SGCZ: variants seen among roughly 807,000 people sequenced by gnomAD.
SGCZ encodes the protein sarcoglycan zeta.
Under a neutral mutation model 41.3 loss-of-function variants are expected in SGCZ, and 40 were observed. The observed-to-expected ratio is 0.97, with a 90% CI of 0.75 to 1.26. The LOEUF (loss-of-function observed/expected upper bound fraction) is 1.26. Among genes scored for constraint, SGCZ ranks in the 50% most tolerant of loss-of-function variants. The pLI, the probability that SGCZ is intolerant of heterozygous loss-of-function variation, is 0.00. For synonymous variants in SGCZ, 206 were observed against 137.5 expected (o/e 1.50, Z -3.49); for missense variants, 552 against 369.8 (o/e 1.49, Z -4.04).
At position 14,552,647 on chromosome 8, in the gene SGCZ, C is replaced by T. The variant is rs368439790; in HGVS notation, c.234+2085G>A. The stretch of plus-strand genomic sequence containing the variant: ...AGCTGAGGTTCAAATTAAAGAGCTC[C>T]ATGGGTGACAGGAACCCTGAGGCCC... On this transcript the variant is annotated intron_variant, in intron 2 of 7. Transcript: ENST00000382080. Among the ~76,000 whole-genome samples, 119 of 152,090 alleles carry T rather than the reference C, an allele frequency of 7.8e-4. 2 individuals are homozygous for T. In the South Asian group the frequency reaches 0.025, roughly 32 times the overall value.
intron 1 of SGCZ, among the ~76,000 whole-genome samples, chr8:15,008,826 A>T (rs1326607665): frequency 3.3e-5 from 4 of 119,484 alleles, no homozygotes; most frequent in South Asian, 6.4e-4. Context: ...GGAGGGAGGA[A>T]GGGAGAGAGG....
chr8:15,027,533 C>T (rs1056815226), intron 1 of SGCZ, among the ~76,000 whole-genome samples: 3 of 152,144 alleles, frequency 2.0e-5, no homozygotes, highest in Admixed American at 6.5e-5. Context: ...AGAATATTTA[C>T]AGATAAGTGG....
intron 1 of SGCZ, among the ~76,000 whole-genome samples, chr8:14,642,729 T>C (rs541433236): frequency 1.2e-4 from 18 of 151,620 alleles, no homozygotes; most frequent in Non-Finnish European, 2.2e-4. Flanking sequence ...AATTTGTTGG[T>C]CAGATTTATA....
At chr8:14,306,110 GTTTTT>G (rs886407130) in intron 3 of SGCZ, among the ~76,000 whole-genome samples, 1 of 152,114 alleles carries the variant, frequency 6.6e-6, no homozygotes, top group Admixed American at 6.6e-5. Flanking sequence ...TTGGGCAAAG[GTTTTT>G]TGTTTTGTTT....
intron 1 of SGCZ, among the ~76,000 whole-genome samples, chr8:15,185,222 G>A (rs893250856): frequency 6.6e-6 from 1 of 152,222 alleles, no homozygotes; most frequent in Admixed American, 6.5e-5. Flanking sequence ...AGGGCTTGAA[G>A]TCTGTCTTCT....
At chr8:14,541,889 G>A (rs1375043077) in intron 2 of SGCZ, among the ~76,000 whole-genome samples, 6 of 152,142 alleles carry the variant, frequency 3.9e-5, no homozygotes, top group African/African-American at 1.2e-4. Context: ...CAGTGATGAT[G>A]AGCTTTTTTC....
chr8:14,674,029 T>G (rs1020123803), intron 1 of SGCZ, among the ~76,000 whole-genome samples: 19 of 152,286 alleles, frequency 1.2e-4, no homozygotes, highest in African/African-American at 4.6e-4. Context: ...AGATAAATAC[T>G]AATTTGGAGA....
chr8:14,227,455 A>AT, intron 4 of SGCZ, among the ~76,000 whole-genome samples: 1 of 152,110 alleles, frequency 6.6e-6, no homozygotes, highest in South Asian at 2.1e-4. Flanking sequence ...ACAAAATGAG[A>AT]TTTTTCATTT....
intron 1 of SGCZ, among the ~76,000 whole-genome samples, chr8:15,129,374 G>C (rs1174333237): frequency 6.6e-6 from 1 of 152,014 alleles, no homozygotes. Flanking sequence ...TATTATATTA[G>C]CCTTCCTATC....
At chr8:14,905,332 T>G (rs1440324255) in intron 1 of SGCZ, among the ~76,000 whole-genome samples, 1 of 151,854 alleles carries the variant, frequency 6.6e-6, no homozygotes, top group Non-Finnish European at 1.5e-5. Flanking sequence ...GGTAGGGATA[T>G]TTCACCTCAT....
intron 1 of SGCZ, among the ~76,000 whole-genome samples, chr8:14,813,843 T>C (rs1801810695): frequency 2.0e-5 from 3 of 151,966 alleles, no homozygotes; most frequent in Admixed American, 6.6e-5. Context: ...ATCCCAGCTA[T>C]ACAAGACACT....
chr8:14,650,161 T>G (rs1318480448), intron 1 of SGCZ, among the ~76,000 whole-genome samples: 5 of 151,958 alleles, frequency 3.3e-5, no homozygotes, highest in Non-Finnish European at 1.5e-5. Flanking sequence ...TTTGTTCTGT[T>G]TTGCTGAAAT....
intron 5 of SGCZ, among the ~76,000 whole-genome samples, chr8:14,112,132 A>G (rs956307448): frequency 1.3e-5 from 2 of 152,204 alleles, no homozygotes; most frequent in African/African-American, 4.8e-5. Context: ...AAGAAAGGCA[A>G]GAACACCTCA....
chr8:14,798,215 T>A lies in SGCZ; in HGVS notation c.40-243289A>T, dbSNP rs936391519. On this transcript the variant is annotated intron_variant, in intron 1 of 7. Transcript: ENST00000382080. ...GTTTTAAAAACTCCCACCCAGTTGATATAAAAAATCATTGACCCAATGAGG... is the reference window on the plus strand; with the variant it reads ...GTTTTAAAAACTCCCACCCAGTTGAAATAAAAAATCATTGACCCAATGAGG... 5.9e-5 allele frequency among the ~76,000 whole-genome samples: 9 copies of A among 152,332 alleles called. No individual in the cohort carries two copies. In the East Asian group the frequency reaches 1.5e-3, roughly 26 times the overall value.
At chr8:14,853,391 G>A (rs547884964) in intron 1 of SGCZ, 4 of 516,106 alleles carry the variant, frequency 7.8e-6, no homozygotes, top group African/African-American at 5.8e-5. Flanking sequence ...TGGGACCTAC[G>A]CTGGATGGAT....
chr8:14,097,295 T>A (rs1292494663), intron 7 of SGCZ, among the ~76,000 whole-genome samples: 1 of 152,194 alleles, frequency 6.6e-6, no homozygotes, highest in Admixed American at 6.5e-5. Context: ...GTATGTTGTG[T>A]CTTTGTTCTC....
intron 2 of SGCZ, among the ~76,000 whole-genome samples, chr8:14,424,836 C>G (rs1382188022): frequency 6.6e-6 from 1 of 152,114 alleles, no homozygotes; most frequent in East Asian, 1.9e-4. Context: ...CTGATGTTGA[C>G]AAGGACTGAT....
chr8:14,428,782 A>T (rs1241595335), intron 2 of SGCZ, among the ~76,000 whole-genome samples: 1 of 152,210 alleles, frequency 6.6e-6, no homozygotes, highest in African/African-American at 2.4e-5. Context: ...CAGAAGCCAC[A>T]CTTTCACTTA....
intron 3 of SGCZ, among the ~76,000 whole-genome samples, chr8:14,320,136 G>A (rs1485458178): frequency 6.6e-6 from 1 of 151,574 alleles, no homozygotes; most frequent in Non-Finnish European, 1.5e-5. Context: ...AAAGACTTTG[G>A]AGTGGTTTGT....
Sources: allele counts gnomAD v4.1 joint callset (sites outside exome capture counted in the v4.1 genomes callset), GRCh38; gene constraint gnomAD v4.1.1; transcripts MANE v1.5; gene names NCBI Gene and HGNC (gene_info 2026-07-23, HGNC 2026-07-21).